KHDRBS3: variants seen among roughly 807,000 people sequenced by gnomAD.
KHDRBS3 encodes KH RNA binding domain containing, signal transduction associated 3, also known as KH domain-containing, RNA-binding, signal transduction-associated protein 3.
KHDRBS3 carries 23 observed loss-of-function variants against 45.6 expected under a neutral mutation model. That is an observed-to-expected ratio of 0.50 (90% CI 0.36 to 0.72). The LOEUF is 0.72. Ranked by LOEUF, KHDRBS3 falls within the 30% of genes least tolerant of loss-of-function variation. The probability of loss-of-function intolerance (pLI) is 0.00; values close to 1 mark genes in which losing one functional copy is unlikely to be tolerated. For missense variants in KHDRBS3, 352 were observed against 424.8 expected (o/e 0.83, Z 1.51); for synonymous variants, 162 against 156.5 (o/e 1.04, Z -0.26).
intron 7 of KHDRBS3, among the ~76,000 whole-genome samples, chr8:135,639,018 A>G (rs115741648): frequency 4.4e-4 from 67 of 152,192 alleles, no homozygotes; most frequent in African/African-American, 1.6e-3. Context: ...GAAACCAGGA[A>G]GTATAACATC....
chr8:135,565,533 G>A (rs1452118728), intron 5 of KHDRBS3, among the ~76,000 whole-genome samples: 1 of 152,144 alleles, frequency 6.6e-6, no homozygotes, highest in Non-Finnish European at 1.5e-5. Context: ...ACTGCAGACT[G>A]TATCTCTTGG....
intron 7 of KHDRBS3, chr8:135,625,193 C>CT (rs1354087508): frequency 7.2e-7 from 1 of 1,396,948 alleles, no homozygotes; most frequent in Non-Finnish European, 1.0e-6. Context: ...TGTTAATACT[C>CT]TTCTTGCTCC....
chr8:135,571,061 C>T (rs1827678305), intron 5 of KHDRBS3, among the ~76,000 whole-genome samples: 1 of 152,256 alleles, frequency 6.6e-6, no homozygotes, highest in East Asian at 1.9e-4. Context: ...GAAATGCTAG[C>T]CAGGGATGAA....
At chr8:135,645,510 T>C (rs888123031) in intron 8 of KHDRBS3, among the ~76,000 whole-genome samples, 7 of 152,188 alleles carry the variant, frequency 4.6e-5, no homozygotes, top group African/African-American at 1.7e-4. Flanking sequence ...CACCTTCATC[T>C]TTATGTTTTA....
intron 4 of KHDRBS3, chr8:135,549,843 A>G (rs1281143967): frequency 1.3e-5 from 2 of 152,180 alleles, no homozygotes; most frequent in Admixed American, 6.5e-5. Flanking sequence ...AGGATATTTA[A>G]ATCACTTTTG....
chr8:135,509,055 C>A (rs1344497867), intron 1 of KHDRBS3, among the ~76,000 whole-genome samples: 1 of 152,158 alleles, frequency 6.6e-6, no homozygotes, highest in Non-Finnish European at 1.5e-5. Flanking sequence ...TTGTCCTCAC[C>A]ACTGTGCATA....
At chr8:135,511,644 C>G (rs1046349875) in intron 1 of KHDRBS3, among the ~76,000 whole-genome samples, 4 of 152,160 alleles carry the variant, frequency 2.6e-5, no homozygotes, top group African/African-American at 9.7e-5. Context: ...CAAGCCCCGC[C>G]TCCTGGGTTC....
intron 2 of KHDRBS3, among the ~76,000 whole-genome samples, chr8:135,533,053 G>A (rs1247736324): frequency 6.6e-6 from 1 of 152,122 alleles, no homozygotes; most frequent in East Asian, 1.9e-4. Context: ...TTGAACTCAA[G>A]ATTTTTTTAC....
At chr8:135,600,121 G>GAACTGT (rs1316978625) in intron 6 of KHDRBS3, among the ~76,000 whole-genome samples, 1 of 152,202 alleles carries the variant, frequency 6.6e-6, no homozygotes, top group Non-Finnish European at 1.5e-5. Flanking sequence ...GCTGAGGGCA[G>GAACTGT]AACTGTGAGA....
chr8:135,501,616 T>G (rs554611011), intron 1 of KHDRBS3, among the ~76,000 whole-genome samples: 1 of 152,272 alleles, frequency 6.6e-6, no homozygotes, highest in East Asian at 1.9e-4. Flanking sequence ...ACCTATTGTT[T>G]AGTAAGATTT....
Position 135,464,025 on chromosome 8 carries a change from G to A in KHDRBS3, c.88+6071G>A, listed in dbSNP as rs575247565. Reference sequence around the variant, plus strand: ...GCCTCCTTTATTTTTTTCAAATGAGGCCTCTAAGGCTCAAAAACACTAAGT... The same window carrying A: ...GCCTCCTTTATTTTTTTCAAATGAGACCTCTAAGGCTCAAAAACACTAAGT... On this transcript the variant is annotated intron_variant, in intron 1 of 8. Transcript: ENST00000355849. 2.0e-5 allele frequency among the ~76,000 whole-genome samples: 3 copies of A among 152,168 alleles called. No homozygotes were observed. The South Asian group carries it at 6.2e-4, about 32-fold the overall frequency.
intron 1 of KHDRBS3, among the ~76,000 whole-genome samples, chr8:135,501,348 C>T (rs1009784038): frequency 6.6e-6 from 1 of 152,130 alleles, no homozygotes; most frequent in Non-Finnish European, 1.5e-5. Flanking sequence ...TTTTAAAAGG[C>T]TACATAAAAT....
intron 7 of KHDRBS3, among the ~76,000 whole-genome samples, chr8:135,637,452 G>A (rs1191701604): frequency 6.6e-6 from 1 of 152,194 alleles, no homozygotes; most frequent in Non-Finnish European, 1.5e-5. Flanking sequence ...GTTAGTAGGT[G>A]TTAGCTGAAG....
chr8:135,548,866 A>G lies in KHDRBS3; in HGVS notation c.437A>G (p.His146Arg), dbSNP rs759539131. 9 of 1,597,648 alleles carry G rather than the reference A, an allele frequency of 5.6e-6. No homozygotes were observed. Among genetic ancestry groups the G allele is most frequent in the African/African-American group, 1.4e-5 (1 of 73,984 alleles). Residue 146 changes from histidine to arginine, a missense_variant, in exon 4 of 9, where the codon CAT (histidine) becomes CGT (arginine). Physicochemically the swap from His to Arg is conservative, Grantham distance 29. Coordinates refer to ENST00000355849, the MANE Select transcript of KHDRBS3 (RefSeq NM_006558.3). ...GCAGAAGCTTATGCCAGGATGGGACATGCTTTGGAAGAAATCAAAAAGTTC... is the reference window on the plus strand; with the variant it reads ...GCAGAAGCTTATGCCAGGATGGGACGTGCTTTGGAAGAAATCAAAAAGTTC... ...PPAEAYARMG[H>R]ALEEIKKFLI...
At chr8:135,472,928 T>G (rs112809836) in intron 1 of KHDRBS3, among the ~76,000 whole-genome samples, 20 of 152,262 alleles carry the variant, frequency 1.3e-4, no homozygotes, top group Middle Eastern at 3.4e-3. Flanking sequence ...GAAAGGTTGG[T>G]CAAAGGAAAA....
At chr8:135,568,240 C>A (rs1222792093) in intron 5 of KHDRBS3, among the ~76,000 whole-genome samples, 2 of 152,020 alleles carry the variant, frequency 1.3e-5, no homozygotes, top group East Asian at 1.9e-4. Context: ...ACCATAACAC[C>A]ATTATACAAT....
At chr8:135,585,956 A>G (rs954953793) in intron 6 of KHDRBS3, among the ~76,000 whole-genome samples, 1 of 152,224 alleles carries the variant, frequency 6.6e-6, no homozygotes. Context: ...TTGAGAAAAT[A>G]ACTTTCCTAA....
At chr8:135,577,696 G>C (rs1234944305) in intron 5 of KHDRBS3, among the ~76,000 whole-genome samples, 1 of 152,106 alleles carries the variant, frequency 6.6e-6, no homozygotes, top group Non-Finnish European at 1.5e-5. Flanking sequence ...TAAAGCTGCT[G>C]TAAACATTTA....
intron 7 of KHDRBS3, among the ~76,000 whole-genome samples, chr8:135,615,898 A>G (rs1316055230): frequency 6.6e-6 from 1 of 152,192 alleles, no homozygotes; most frequent in East Asian, 1.9e-4. Context: ...GTTTGATTAG[A>G]TGAGTCTGAG....
Sources: gnomAD v4.1 joint callset for allele counts (sites outside exome capture counted in the v4.1 genomes callset) on GRCh38, gnomAD v4.1.1 for gene constraint, MANE v1.5 for transcripts, NCBI Gene and HGNC (gene_info 2026-07-23, HGNC 2026-07-21) for gene names.